Variants in SYN1 observed in about 807,000 individuals in gnomAD.
The protein encoded by SYN1 is synapsin I.
In SYN1, 8 loss-of-function variants were observed where a neutral mutation model predicts 44.6. That is an observed-to-expected ratio of 0.18 (90% confidence interval 0.11 to 0.32). The LOEUF is 0.32. Among genes scored for constraint, SYN1 ranks in the 10% least tolerant of loss-of-function variants. The pLI is 1.00. For synonymous variants in SYN1, 275 were observed against 280.1 expected (o/e 0.98, Z 0.18); for missense variants, 451 against 639.4 (o/e 0.71, Z 3.18).
At chrX:47,602,503 G>C (rs953831254) in intron 5 of SYN1, among the ~76,000 whole-genome samples, 1 of 110,980 alleles carries the variant, frequency 9.0e-6, no homozygotes, top group Non-Finnish European at 1.9e-5. Flanking sequence ...GTAGCTGGGC[G>C]TGGTGGCACG....
chrX:47,606,811 AG>A (rs1306528662), intron 3 of SYN1, 133 bp downstream of exon 3: 6 of 590,284 alleles, frequency 1.0e-5, no homozygotes, highest in Non-Finnish European at 1.6e-5. Context: ...TCTGAAGAAA[AG>A]TTGTCTCCCC....
chrX:47,583,677 A>G, intron 5 of SYN1: 1 of 697,312 alleles, frequency 1.4e-6, no homozygotes. Flanking sequence ...GCATCCTCAC[A>G]CTTCCTTGAG....
At chrX:47,584,406 G>A (rs1169001961) in intron 5 of SYN1, among the ~76,000 whole-genome samples, 1 of 111,310 alleles carries the variant, frequency 9.0e-6, no homozygotes, top group Non-Finnish European at 1.9e-5. Flanking sequence ...CAAGGCTCTC[G>A]GCTAAAACTG....
chrX:47,585,618 A>T, intron 5 of SYN1: 1 of 1,175,635 alleles, frequency 8.5e-7, no homozygotes, highest in Non-Finnish European at 1.1e-6. Flanking sequence ...AGCTTAGCTC[A>T]GCGCCGGGGC....
intron 5 of SYN1, chrX:47,583,638 C>A: frequency 1.1e-6 from 1 of 941,128 alleles, no homozygotes; most frequent in Non-Finnish European, 1.4e-6. Flanking sequence ...TCCACTCGCC[C>A]CTGCACTTCC....
At chrX:47,578,696 C>T (rs1183195947) in intron 5 of SYN1, among the ~76,000 whole-genome samples, 1 of 111,723 alleles carries the variant, frequency 9.0e-6, no homozygotes, top group African/African-American at 3.3e-5. Flanking sequence ...GCTCCCTCCA[C>T]CCCCACCCCC....
rs1044688105 is a variant in SYN1, at chrX:47,579,028, A to G, written c.775-1527T>C. Among the ~76,000 whole-genome samples, 5 of 112,001 alleles carry G rather than the reference A, an allele frequency of 4.5e-5. No homozygotes were observed. The Admixed American group carries it at 4.7e-4, about 11-fold the overall frequency. ...TACAGTACCACCCAGGTGTGCGCAC[A>G]GCACACAGAAGTGCATAATGCACTC... On this transcript the variant is annotated intron_variant, in intron 5 of 12. Coordinates refer to ENST00000295987, the MANE Select transcript of SYN1 (RefSeq NM_006950.3).
chrX:47,584,680 G>A (rs2057815159), intron 5 of SYN1, among the ~76,000 whole-genome samples: 1 of 112,152 alleles, frequency 8.9e-6, no homozygotes, highest in Non-Finnish European at 1.9e-5. Flanking sequence ...GGCACACAGT[G>A]GGCACTCCCA....
At chrX:47,603,947 G>A (rs373260585) in intron 5 of SYN1, among the ~76,000 whole-genome samples, 1 of 84,798 alleles carries the variant, frequency 1.2e-5, no homozygotes, top group African/African-American at 4.5e-5. Flanking sequence ...CGCTCTTGTT[G>A]CCCAAGCTGG....
chrX:47,616,498 G>A (rs1022232635), intron 1 of SYN1, among the ~76,000 whole-genome samples: 2 of 111,861 alleles, frequency 1.8e-5, no homozygotes, highest in Non-Finnish European at 3.8e-5. Context: ...TGGAGGGCTG[G>A]AGTGGAGACC....
Position 47,574,355 on chromosome X carries a change from A to C in SYN1, c.1629T>G (p.Pro543=). 2 of 1,025,646 alleles carry C rather than the reference A, an allele frequency of 1.9e-6. No individual in the cohort carries two copies. The highest frequency in any genetic ancestry group is 2.5e-6 in the Non-Finnish European group (2 of 810,710). 84.5% of individuals were successfully genotyped at this position (1,025,646 alleles called of 1,213,427 possible). A position where few individuals can be genotyped will look rare whatever the true frequency, so the allele number is the denominator to read the frequency against. The part of the protein sequence containing the change: ...SRPVAGGPGA[P]PAARPPASPS... Reference sequence around the variant, plus strand: ...GAGAGGCGGGCGGGCGGGCTGCTGGAGGCGCCCCGGGGCCTCCCGCCACTG... The same window carrying C: ...GAGAGGCGGGCGGGCGGGCTGCTGGCGGCGCCCCGGGGCCTCCCGCCACTG... Residue 543 remains proline, a synonymous_variant, in exon 12 of 13, where the codon CCT becomes CCG. Transcript: ENST00000295987.
chrX:47,577,209 T>C (rs1444702722), intron 6 of SYN1, among the ~76,000 whole-genome samples: 2 of 110,710 alleles, frequency 1.8e-5, no homozygotes, highest in African/African-American at 6.6e-5. Flanking sequence ...ATTGGCTGAA[T>C]GCAGGAGGAA....
intron 11 of SYN1, 22 bp downstream of exon 11, chrX:47,574,666 C>G: frequency 8.6e-7 from 1 of 1,163,031 alleles, no homozygotes; most frequent in South Asian, 1.9e-5. Flanking sequence ...GAGGGGACTG[C>G]GACCGCCAGC....
intron 5 of SYN1, among the ~76,000 whole-genome samples, chrX:47,603,907 T>A (rs1409935204): frequency 1.2e-5 from 1 of 82,940 alleles, no homozygotes; most frequent in Non-Finnish European, 2.3e-5. Context: ...TATATATATA[T>A]TTTTTTTTTT....
At position 47,572,714 on chromosome X, in the gene SYN1, A is replaced by G; in HGVS notation, c.*150T>C. 3.5e-6 allele frequency: 3 copies of G among 853,929 alleles called. No individual in the cohort carries two copies. The highest frequency in any genetic ancestry group is 2.4e-5 in the South Asian group (1 of 41,667). The allele number at this position is 853,929 out of a possible 1,213,427, so 70.4% of individuals were successfully genotyped here. Reference sequence around the variant, plus strand: ...GGGCCAGGAGGAGTCAGGTTTCTCAAGGTACTCGGGGATCTTGAGGAATGA... The same window carrying G: ...GGGCCAGGAGGAGTCAGGTTTCTCAGGGTACTCGGGGATCTTGAGGAATGA... On this transcript the variant is annotated 3_prime_UTR_variant, in exon 13 of 13. Coordinates refer to ENST00000295987, the MANE Select transcript of SYN1 (RefSeq NM_006950.3).
intron 1 of SYN1, 72 bp downstream of exon 1, chrX:47,619,280 G>C: frequency 8.4e-7 from 1 of 1,184,365 alleles, no homozygotes; most frequent in Non-Finnish European, 1.1e-6. Context: ...AGCGGCGCTC[G>C]ATAATTGCTC....
At chrX:47,576,272 A>G in intron 8 of SYN1, 39 bp from the exon 9 acceptor site, 1 of 1,203,281 alleles carries the variant, frequency 8.3e-7, no homozygotes, top group Non-Finnish European at 1.1e-6. Context: ...TCAGTCTCTC[A>G]CCTGAGCTGT....
chrX:47,586,396 T>TGTACTTAGGTGGGGTGA (rs780063908), intron 5 of SYN1: 1 of 1,097,287 alleles, frequency 9.1e-7, no homozygotes, highest in East Asian at 3.1e-5. Context: ...TCCTGGGGTA[T>TGTACTTAGGTGGGGTGA]GTACTTAGGT....
intron 5 of SYN1, among the ~76,000 whole-genome samples, chrX:47,593,351 C>G (rs1603064795): frequency 1.8e-5 from 2 of 108,908 alleles, no homozygotes; most frequent in Admixed American, 2.0e-4. Flanking sequence ...CTCACTCAAC[C>G]TCTGCCTCCT....
Sources: gnomAD v4.1 joint callset for allele counts (sites outside exome capture counted in the v4.1 genomes callset) on GRCh38, gnomAD v4.1.1 for gene constraint, MANE v1.5 for transcripts, NCBI Gene and HGNC (gene_info 2026-07-23, HGNC 2026-07-21) for gene names.